Variants in OTUD7A observed in about 807,000 individuals in gnomAD.
OTUD7A encodes the protein OTU domain-containing protein 7A.
Under a neutral mutation model 65.7 loss-of-function variants are expected in OTUD7A, and 12 were observed. That is an observed-to-expected ratio of 0.18 (90% CI 0.12 to 0.30). The LOEUF (loss-of-function observed/expected upper bound fraction) is 0.30, where lower values mean the gene tolerates loss of function less well. OTUD7A is among the 10% of genes least tolerant of loss of function. The pLI, the probability that OTUD7A is intolerant of heterozygous loss-of-function variation, is 1.00. For missense variants in OTUD7A, 1,148 were observed against 1,304.8 expected (o/e 0.88, Z 1.85); for synonymous variants, 641 against 586.3 (o/e 1.09, Z -1.35).
intron 3 of OTUD7A, among the ~76,000 whole-genome samples, chr15:31,625,435 A>G (rs1181731200): frequency 2.0e-5 from 3 of 152,174 alleles, no homozygotes. Flanking sequence ...AAGAACTGCA[A>G]TGGAATGACA....
At chr15:31,608,179 G>A (rs763770288) in intron 3 of OTUD7A, among the ~76,000 whole-genome samples, 11 of 152,086 alleles carry the variant, frequency 7.2e-5, no homozygotes, top group Admixed American at 2.0e-4. Flanking sequence ...CCCGGGAGAC[G>A]GAGGTTGCAG....
chr15:31,504,772 C>T (rs1003877920), intron 8 of OTUD7A, among the ~76,000 whole-genome samples: 1 of 152,198 alleles, frequency 6.6e-6, no homozygotes, highest in Non-Finnish European at 1.5e-5. Flanking sequence ...TTCATGGGCA[C>T]AGTTCCCAGC....
intron 1 of OTUD7A, among the ~76,000 whole-genome samples, chr15:31,860,684 T>C (rs1327672810): frequency 1.6e-5 from 2 of 126,366 alleles, no homozygotes; most frequent in Admixed American, 8.2e-5. Context: ...TGTGTATATA[T>C]ATATATATAT....
At chr15:31,652,245 G>A (rs1041649528) in intron 3 of OTUD7A, among the ~76,000 whole-genome samples, 3 of 152,160 alleles carry the variant, frequency 2.0e-5, no homozygotes, top group African/African-American at 4.8e-5. Flanking sequence ...ATGAAAGAAG[G>A]AGGATATTTT....
chr15:31,774,374 A>C (rs1895316057), intron 1 of OTUD7A, among the ~76,000 whole-genome samples: 1 of 152,258 alleles, frequency 6.6e-6, no homozygotes, highest in Admixed American at 6.5e-5. Context: ...GACGCTTTAG[A>C]CTGCTTTAAA....
At chr15:31,509,495 G>A (rs1275079667) in intron 8 of OTUD7A, among the ~76,000 whole-genome samples, 1 of 152,030 alleles carries the variant, frequency 6.6e-6, no homozygotes, top group Non-Finnish European at 1.5e-5. Flanking sequence ...TAGCCAGGAT[G>A]GTCTTGATCT....
chr15:31,512,851 G>A (rs1375010830), intron 8 of OTUD7A, among the ~76,000 whole-genome samples: 1 of 152,194 alleles, frequency 6.6e-6, no homozygotes. Context: ...TTTTATTATG[G>A]CTAGCAGATA....
chr15:31,598,935 C>T (rs12909072), intron 3 of OTUD7A, among the ~76,000 whole-genome samples: 47,000 of 151,876 alleles, frequency 0.31, 9,105 homozygotes, highest in African/African-American at 0.55. Flanking sequence ...GCAAGGCCGC[C>T]GTGGCCAGAC....
intron 1 of OTUD7A, among the ~76,000 whole-genome samples, chr15:31,817,980 G>C (rs961220563): frequency 6.6e-6 from 1 of 152,164 alleles, no homozygotes; most frequent in Non-Finnish European, 1.5e-5. Flanking sequence ...GAAGAGAGCC[G>C]TCAGAGAGCT....
intron 3 of OTUD7A, among the ~76,000 whole-genome samples, chr15:31,652,000 CAAAA>C (rs34951638): frequency 0.015 from 1,760 of 114,704 alleles, 39 homozygotes; most frequent in African/African-American, 0.05. Context: ...CATAGAAAGG[CAAAA>C]AAAAAAAAAA....
intron 1 of OTUD7A, among the ~76,000 whole-genome samples, chr15:31,753,704 ATATATATATATATATAT>A (rs1186552322): frequency 0.079 from 1,204 of 15,252 alleles, 39 homozygotes; most frequent in Middle Eastern, 0.14. Context: ...TATATATATT[ATATATATATATATATAT>A]TATATATATA....
chr15:31,494,334 G>C (rs188684494), intron 10 of OTUD7A, among the ~76,000 whole-genome samples: 1 of 152,182 alleles, frequency 6.6e-6, no homozygotes, highest in Non-Finnish European at 1.5e-5. Context: ...TCTTGGCCAC[G>C]TGAGGACACA....
intron 8 of OTUD7A, among the ~76,000 whole-genome samples, chr15:31,524,134 T>C (rs528775087): frequency 5.4e-5 from 8 of 149,158 alleles, no homozygotes; most frequent in African/African-American, 2.0e-4. Context: ...CTCTTCTGAG[T>C]TTTTTGTTTT....
chr15:31,818,149 C>T (rs939184726), intron 1 of OTUD7A, among the ~76,000 whole-genome samples: 3 of 152,198 alleles, frequency 2.0e-5, no homozygotes, highest in African/African-American at 7.2e-5. Flanking sequence ...TGAAACTGGA[C>T]TTCTCGGACT....
At chr15:31,763,160 A>G (rs939711944) in intron 1 of OTUD7A, among the ~76,000 whole-genome samples, 6 of 151,988 alleles carry the variant, frequency 3.9e-5, no homozygotes, top group Non-Finnish European at 7.4e-5. Context: ...GCATGTACCT[A>G]TAATCCCAGC....
chr15:31,852,441 T>C (rs145492755), intron 1 of OTUD7A, among the ~76,000 whole-genome samples: 24 of 152,338 alleles, frequency 1.6e-4, no homozygotes, highest in Admixed American at 3.3e-4. Context: ...TATAACTATT[T>C]TAAACTGAGA....
intron 1 of OTUD7A, among the ~76,000 whole-genome samples, chr15:31,681,310 T>TCCATCCATCCATCCAC (rs1566972644): frequency 1.3e-5 from 2 of 151,534 alleles, no homozygotes; most frequent in African/African-American, 4.9e-5. Context: ...CATCCATCCA[T>TCCATCCATCCATCCAC]CCATGCACCC....
At chr15:31,747,291 G>A (rs73378625) in intron 1 of OTUD7A, among the ~76,000 whole-genome samples, 2,886 of 152,242 alleles carry the variant, frequency 0.019, 97 homozygotes, top group African/African-American at 0.066. Context: ...TAGAAGCAAT[G>A]AGCACATCCA....
chr15:31,752,260 T>C (rs764871604), intron 1 of OTUD7A, among the ~76,000 whole-genome samples: 15 of 152,120 alleles, frequency 9.9e-5, no homozygotes, highest in Non-Finnish European at 2.1e-4. Context: ...TATGGATACA[T>C]ACAAATACAG....
Sources: allele counts gnomAD v4.1 joint callset (sites outside exome capture counted in the v4.1 genomes callset), GRCh38; gene constraint gnomAD v4.1.1; transcripts MANE v1.5; gene names NCBI Gene and HGNC (gene_info 2026-07-23, HGNC 2026-07-21).